Variants in FAM184A observed in about 807,000 individuals in gnomAD.
FAM184A encodes the protein family with sequence similarity 184 member A, also known as protein FAM184A.
Under a neutral mutation model 143.8 loss-of-function variants are expected in FAM184A, and 99 were observed. The ratio of observed to expected loss-of-function variants is 0.69; its 90% confidence interval spans 0.58 to 0.81. The LOEUF is 0.81. Ranked by LOEUF, FAM184A falls within the 40% of genes least tolerant of loss-of-function variation. FAM184A has a pLI of 0.00. For missense variants in FAM184A, 1,217 were observed against 1,310.5 expected (o/e 0.93, Z 1.10); for synonymous variants, 427 against 446.4 (o/e 0.96, Z 0.55).
At chr6:119,043,666 A>C (rs1006327376) in intron 1 of FAM184A, among the ~76,000 whole-genome samples, 2 of 152,226 alleles carry the variant, frequency 1.3e-5, no homozygotes, top group Non-Finnish European at 2.9e-5. Flanking sequence ...GGCAAATGTG[A>C]TAACCTAGTG....
At chr6:119,009,745 TTTAC>T (rs1785033754) in intron 6 of FAM184A, among the ~76,000 whole-genome samples, 1 of 152,216 alleles carries the variant, frequency 6.6e-6, no homozygotes. Flanking sequence ...CAGACTTGTG[TTTAC>T]TTGTTTTTGT....
At chr6:119,054,858 T>C (rs1786898839) in intron 1 of FAM184A, among the ~76,000 whole-genome samples, 1 of 41,734 alleles carries the variant, frequency 2.4e-5, no homozygotes, top group Non-Finnish European at 3.8e-5. Context: ...TAACTGAGCC[T>C]TGTGACAATT....
chr6:118,970,466 TA>T (rs1783662087), intron 14 of FAM184A, among the ~76,000 whole-genome samples: 1 of 152,118 alleles, frequency 6.6e-6, no homozygotes, highest in South Asian at 2.1e-4. Flanking sequence ...TTATTTAGAA[TA>T]AAGGATAAAA....
intron 15 of FAM184A, 28 bp from the exon 16 acceptor site, chr6:118,964,799 T>G: frequency 8.3e-7 from 1 of 1,205,416 alleles, no homozygotes; most frequent in Non-Finnish European, 1.2e-6. Context: ...AAACATCTTT[T>G]AAATATTTTC....
At chr6:119,038,515 T>G (rs2114722401) in intron 1 of FAM184A, among the ~76,000 whole-genome samples, 1 of 152,230 alleles carries the variant, frequency 6.6e-6, no homozygotes. Flanking sequence ...CTGTCCTCAC[T>G]GCAACACTCC....
At chr6:119,110,071 C>T (rs1788893637) in intron 1 of FAM184A, among the ~76,000 whole-genome samples, 1 of 152,152 alleles carries the variant, frequency 6.6e-6, no homozygotes, top group South Asian at 2.1e-4. Flanking sequence ...CGTGCTTTAA[C>T]TCAATAAGGA....
chr6:118,968,670 C>G (rs1407204), intron 14 of FAM184A, among the ~76,000 whole-genome samples: 1 of 152,068 alleles, frequency 6.6e-6, no homozygotes, highest in Non-Finnish European at 1.5e-5. Flanking sequence ...GATTTATGAA[C>G]TGCTTCCCGC....
chr6:119,090,629 T>C (rs887595910), intron 1 of FAM184A, among the ~76,000 whole-genome samples: 2 of 152,236 alleles, frequency 1.3e-5, no homozygotes, highest in Admixed American at 6.5e-5. Context: ...AGCTTCTGAT[T>C]GTTAAAAGGA....
At chr6:119,026,501 T>G (rs1375395860) in intron 1 of FAM184A, among the ~76,000 whole-genome samples, 2 of 151,348 alleles carry the variant, frequency 1.3e-5, no homozygotes, top group East Asian at 3.9e-4. Context: ...CCCAACCGAT[T>G]GAACGGACCC....
At chr6:119,117,600 G>C (rs1789093902) in intron 1 of FAM184A, among the ~76,000 whole-genome samples, 1 of 152,202 alleles carries the variant, frequency 6.6e-6, no homozygotes, top group African/African-American at 2.4e-5. Flanking sequence ...GGTAAGACCT[G>C]CTTCTTACGT....
intron 1 of FAM184A, among the ~76,000 whole-genome samples, chr6:119,125,684 C>T (rs1034573449): frequency 6.6e-6 from 1 of 152,204 alleles, no homozygotes; most frequent in Non-Finnish European, 1.5e-5. Context: ...GCAGCCACAA[C>T]TGGCAGACTA....
rs750118706 is a variant in FAM184A, at chr6:119,022,947, G to C, written c.1148C>G (p.Ala383Gly). Residue 383 changes from alanine (A) to glycine (G), a missense_variant and splice_region_variant, in exon 3 of 18, where the codon GCT (alanine) becomes GGT (glycine). Transcript: ENST00000338891. ...QQQASDLVLK[A>G]SHIGMLQATQ... ...TCAAAAACTGTGGTCACACATACTA[G>C]CTTTGAGGACAAGATCTGAAGCTTG... 2.2e-5 allele frequency: 35 copies of C among 1,614,028 alleles called. No individual in the cohort carries two copies. The highest frequency in any genetic ancestry group is 2.6e-5 in the Non-Finnish European group (31 of 1,180,020).
At chr6:119,144,021 A>G (rs529741030) in intron 1 of FAM184A, among the ~76,000 whole-genome samples, 1 of 152,278 alleles carries the variant, frequency 6.6e-6, no homozygotes, top group African/African-American at 2.4e-5. Context: ...AGGCAGTCTG[A>G]TAGAACAGGC....
chr6:119,064,372 A>G (rs1250197595), intron 1 of FAM184A, among the ~76,000 whole-genome samples: 1 of 152,170 alleles, frequency 6.6e-6, no homozygotes, highest in Non-Finnish European at 1.5e-5. Context: ...GGTCCTCTCC[A>G]AAGGACTGCA....
At chr6:119,011,913 T>G (rs1785103081) in intron 5 of FAM184A, among the ~76,000 whole-genome samples, 1 of 152,236 alleles carries the variant, frequency 6.6e-6, no homozygotes, top group African/African-American at 2.4e-5. Context: ...ACTTACTATT[T>G]GCCAGGCATG....
chr6:119,074,396 A>T (rs1787797969), intron 1 of FAM184A, among the ~76,000 whole-genome samples: 2 of 152,198 alleles, frequency 1.3e-5, no homozygotes, highest in African/African-American at 4.8e-5. Flanking sequence ...TCTTTATTTC[A>T]GGCTTGGTCT....
chr6:119,138,941 G>A (rs961986846), intron 1 of FAM184A, among the ~76,000 whole-genome samples: 1 of 151,708 alleles, frequency 6.6e-6, no homozygotes, highest in Non-Finnish European at 1.5e-5. Flanking sequence ...CATTTATAAT[G>A]ATTCTTGTGG....
chr6:119,038,434 TA>T (rs1377800326), intron 1 of FAM184A, among the ~76,000 whole-genome samples: 1 of 152,128 alleles, frequency 6.6e-6, no homozygotes, highest in Non-Finnish European at 1.5e-5. Context: ...ACCTTGCTGA[TA>T]AAACAGGTTG....
chr6:119,109,848 C>T lies in FAM184A; in HGVS notation c.-202+39230G>A, dbSNP rs192988315. Among the ~76,000 whole-genome samples the T allele has an allele frequency of 3.2e-3, 486 of 152,210 alleles. 1 individual carries two copies. Among genetic ancestry groups the T allele is most frequent in the Non-Finnish European group, 4.7e-3 (320 of 68,006 alleles). ...TACTAACTCATTACTTTAAATGTTG[C>T]GTAATATCTGCCTTAGTATTTTTAG... On this transcript the variant is annotated intron_variant, in intron 1 of 16. Coordinates refer to the FAM184A transcript ENST00000352896.
Sources: gnomAD v4.1 joint callset for allele counts (sites outside exome capture counted in the v4.1 genomes callset) on GRCh38, gnomAD v4.1.1 for gene constraint, MANE v1.5 for transcripts, NCBI Gene and HGNC (gene_info 2026-07-23, HGNC 2026-07-21) for gene names.